The following UTP18 variants were observed in gnomAD, a reference collection of about 807,000 sequenced individuals.
UTP18 encodes U3 small nucleolar RNA-associated protein 18 homolog.
A neutral mutation model predicts 61.1 loss-of-function variants in UTP18; 36 were observed. That is an observed-to-expected ratio of 0.59 (90% confidence interval 0.45 to 0.78). The LOEUF (loss-of-function observed/expected upper bound fraction) is 0.78, where lower values mean the gene tolerates loss of function less well. UTP18 is among the 30% of genes least tolerant of loss of function. The pLI, the probability that UTP18 is intolerant of heterozygous loss-of-function variation, is 0.00. For synonymous variants in UTP18, 282 were observed against 251.1 expected (o/e 1.12, Z -1.16); for missense variants, 753 against 693.9 (o/e 1.09, Z -0.96).
At chr17:51,282,867 CTTTT>C (rs534175274) in intron 9 of UTP18, among the ~76,000 whole-genome samples, 3 of 120,690 alleles carry the variant, frequency 2.5e-5, no homozygotes, top group Non-Finnish European at 3.4e-5. Flanking sequence ...TCTTCTTCTT[CTTTT>C]TTTTTTTTTT....
intron 12 of UTP18, among the ~76,000 whole-genome samples, chr17:51,295,375 T>A (rs1461175586): frequency 3.9e-5 from 6 of 152,244 alleles, no homozygotes; most frequent in Non-Finnish European, 8.8e-5. Context: ...TTAATTTTTG[T>A]ATAAGGTGTA....
At chr17:51,277,326 C>G in intron 7 of UTP18, 22 bp downstream of exon 7, 1 of 1,610,274 alleles carries the variant, frequency 6.2e-7, no homozygotes, top group African/African-American at 1.3e-5. Flanking sequence ...GTTGAATGCA[C>G]ACAACCAGTC....
Position 51,285,334 on chromosome 17 carries a change from G to A in UTP18, c.1294G>A (p.Ala432Thr). 3.1e-6 allele frequency: 5 copies of A among 1,606,868 alleles called. No homozygotes were observed. The highest frequency in any genetic ancestry group is 4.3e-6 in the Non-Finnish European group (5 of 1,175,796). The change falls in exon 10 of 14, where the codon GCC becomes ACC. Residue 432 changes from alanine to threonine, a missense_variant. Transcript: ENST00000225298. ...DEGSLYGLSI[A>T]TSRNGQYVAC... ...AGGCAGTTTATATGGATTAAGCATTGCCACATCTAGGAATGGACAGTATGT... is the reference window on the plus strand; with the variant it reads ...AGGCAGTTTATATGGATTAAGCATTACCACATCTAGGAATGGACAGTATGT...
Position 51,266,163 on chromosome 17 carries a change from T to C in UTP18, c.456-19T>C, listed in dbSNP as rs547875698. 4.6e-6 allele frequency: 7 copies of C among 1,538,068 alleles called. No individual in the cohort carries two copies. In the South Asian group the frequency reaches 7.5e-5, roughly 17 times the overall value. On this transcript the variant is annotated intron_variant, in intron 2 of 13. Transcript: ENST00000225298. ...AACTCTTTAAAAGTTATTTAAAATATGCTGTTCTGTTTTTGTAGGGTTGAC... is the reference window on the plus strand; with the variant it reads ...AACTCTTTAAAAGTTATTTAAAATACGCTGTTCTGTTTTTGTAGGGTTGAC...
intron 1 of UTP18, among the ~76,000 whole-genome samples, chr17:51,263,072 C>T (rs183017777): frequency 6.6e-4 from 101 of 152,360 alleles, no homozygotes; most frequent in African/African-American, 2.4e-3. Flanking sequence ...CATCTTGCCT[C>T]ACCTGTCCAG....
At chr17:51,278,834 T>C (rs777910522) in intron 7 of UTP18, among the ~76,000 whole-genome samples, 47 of 152,178 alleles carry the variant, frequency 3.1e-4, no homozygotes, top group Non-Finnish European at 6.0e-4. Context: ...GTGCCTTTCA[T>C]AGTAAGGAGA....
Position 51,263,294 on chromosome 17 carries a change from G to A in UTP18, c.363G>A (p.Ser121=), listed in dbSNP as rs569494747. ...RGPRVQEHED[S]GDSEVENEAK... Reference sequence around the variant, plus strand: ...TGTAGGTTCAAGAACATGAAGACTCGGGTGACTCAGAAGTGGAGAATGAAG... The same window carrying A: ...TGTAGGTTCAAGAACATGAAGACTCAGGTGACTCAGAAGTGGAGAATGAAG... The change falls in exon 2 of 14, where the codon TCG becomes TCA. Residue 121 remains serine (S), a synonymous_variant. Transcript: ENST00000225298. 9.9e-6 allele frequency: 16 copies of A among 1,614,150 alleles called. No individual in the cohort carries two copies. Among genetic ancestry groups the A allele is most frequent in the Middle Eastern group, 1.6e-4 (1 of 6,062 alleles).
intron 3 of UTP18, among the ~76,000 whole-genome samples, chr17:51,268,604 T>C (rs909963389): frequency 6.6e-6 from 1 of 152,204 alleles, no homozygotes; most frequent in African/African-American, 2.4e-5. Flanking sequence ...AAAAAATATG[T>C]ATCCAGGACT....
In UTP18 at chr17:51,297,866, T is replaced by G; in HGVS notation, c.*99T>G. The G allele has an allele frequency of 5.5e-6, 2 of 362,594 alleles. No individual in the cohort carries two copies. The highest frequency in any genetic ancestry group is 5.2e-6 in the Non-Finnish European group (1 of 192,466). 22.5% of individuals were successfully genotyped at this position (362,594 alleles called of 1,614,324 possible). On this transcript the variant is annotated 3_prime_UTR_variant, in exon 14 of 14. Coordinates refer to ENST00000225298, the MANE Select transcript of UTP18 (RefSeq NM_016001.3). ...TATGTGATAATATATGGAAAATGAT[T>G]TATAGATCCAGCTGTGCTTAAGAGC...
intron 4 of UTP18, among the ~76,000 whole-genome samples, chr17:51,269,427 A>G (rs1167438493): frequency 1.3e-5 from 2 of 150,440 alleles, no homozygotes; most frequent in African/African-American, 2.4e-5. Context: ...ATAAATATGG[A>G]TGGCTTAGCT....
At chr17:51,287,089 A>T (rs932210693) in intron 10 of UTP18, among the ~76,000 whole-genome samples, 2 of 151,880 alleles carry the variant, frequency 1.3e-5, no homozygotes, top group Non-Finnish European at 2.9e-5. Flanking sequence ...ACTGCGCAGA[A>T]ATGATCTTCA....
chr17:51,289,529 C>T (rs367563218), intron 11 of UTP18, among the ~76,000 whole-genome samples: 1 of 151,906 alleles, frequency 6.6e-6, no homozygotes, highest in African/African-American at 2.4e-5. Context: ...AGGATAGCAG[C>T]CTTGGGCCTA....
chr17:51,293,165 G>A (rs118005729), intron 11 of UTP18, among the ~76,000 whole-genome samples: 39 of 152,244 alleles, frequency 2.6e-4, no homozygotes, highest in Non-Finnish European at 5.0e-4. Flanking sequence ...GCTAGAGTGG[G>A]TACTTTTTGC....
intron 11 of UTP18, among the ~76,000 whole-genome samples, chr17:51,293,251 G>A (rs1170334787): frequency 2.6e-5 from 4 of 152,160 alleles, no homozygotes; most frequent in East Asian, 1.9e-4. Flanking sequence ...CTGTACTGAC[G>A]CTTTTTTCTC....
At chr17:51,267,295 T>C (rs751817762) in intron 3 of UTP18, among the ~76,000 whole-genome samples, 3 of 152,190 alleles carry the variant, frequency 2.0e-5, no homozygotes, top group Non-Finnish European at 4.4e-5. Flanking sequence ...AGACCTGTTG[T>C]CTTGTAGAAT....
Position 51,260,666 on chromosome 17 carries a change from G to A in UTP18, c.82G>A (p.Asp28Asn). 1 of 1,612,034 alleles carries A rather than the reference G, an allele frequency of 6.2e-7. No individual in the cohort carries two copies. The highest frequency in any genetic ancestry group is 8.5e-7 in the Non-Finnish European group (1 of 1,179,554). The change falls in exon 1 of 14, where the codon GAC becomes AAC. Residue 28 changes from aspartate (D) to asparagine (N), a missense_variant. By Grantham distance (23) the Asp-to-Asn change is conservative. Coordinates refer to ENST00000225298, the MANE Select transcript of UTP18 (RefSeq NM_016001.3). Reference protein sequence around the residue: ...KPKRKPGMRPDWKAGAGPGGP... With the variant: ...KPKRKPGMRPNWKAGAGPGGP... The stretch of plus-strand genomic sequence containing the variant: ...GAAGCGGAAGCCCGGAATGAGGCCG[G>A]ACTGGAAAGCCGGAGCGGGGCCAGG...
At chr17:51,275,720 T>TG in intron 5 of UTP18, 146 bp from the exon 6 acceptor site, 1 of 837,852 alleles carries the variant, frequency 1.2e-6, no homozygotes, top group Admixed American at 4.3e-5. Context: ...TTTTGTTTTT[T>TG]GTTTTTTTTT....
rs1567701714 is a variant in UTP18, at chr17:51,276,005, T to C, written c.837+14T>C. ...TCACTATTTCAGGTATGCATCTTTA[T>C]TTACTTATTTATTTCTAATGCATTA... is the stretch of plus-strand genomic sequence containing the variant. On this transcript the variant is annotated intron_variant, in intron 6 of 13. Transcript: ENST00000225298. The C allele has an allele frequency of 5.0e-6, 8 of 1,586,938 alleles. No homozygotes were observed. The highest frequency in any genetic ancestry group is 6.8e-6 in the Non-Finnish European group (8 of 1,171,706).
chr17:51,261,432 G>A (rs1034669696), intron 1 of UTP18, among the ~76,000 whole-genome samples: 1 of 152,184 alleles, frequency 6.6e-6, no homozygotes, highest in Non-Finnish European at 1.5e-5. Context: ...GAACCTGTTA[G>A]TTGCCAGATA....
Sources: gnomAD v4.1 joint callset for allele counts (sites outside exome capture counted in the v4.1 genomes callset) on GRCh38, gnomAD v4.1.1 for gene constraint, MANE v1.5 for transcripts, NCBI Gene and HGNC (gene_info 2026-07-23, HGNC 2026-07-21) for gene names.